PLEKHA6: variants seen among roughly 807,000 people sequenced by gnomAD.
The protein encoded by PLEKHA6 is pleckstrin homology domain-containing family A member 6.
PLEKHA6 carries 60 observed loss-of-function variants against 116.7 expected under a neutral mutation model. That is an observed-to-expected ratio of 0.51 (90% CI 0.42 to 0.64). The LOEUF (loss-of-function observed/expected upper bound fraction) is 0.64, where lower values mean the gene tolerates loss of function less well. Ranked by LOEUF, PLEKHA6 falls within the 30% of genes least tolerant of loss-of-function variation. The probability of loss-of-function intolerance (pLI) is 0.00; values close to 1 mark genes in which losing one functional copy is unlikely to be tolerated. For missense variants in PLEKHA6, 1,338 were observed against 1,422.7 expected (o/e 0.94, Z 0.96); for synonymous variants, 489 against 556.1 (o/e 0.88, Z 1.70).
Position 204,259,289 on chromosome 1 carries a change from G to C in PLEKHA6, c.976C>G (p.Arg326Gly). ...NQLQQWVNLRRGVPPPEDLRS... is the reference protein window; with the variant it reads ...NQLQQWVNLRGGVPPPEDLRS... ...AGGTCTTCAGGCGGGGGTACCCCCC[G>C]GCGCAGATTCACCCACTGCTGAAGC... The change falls in exon 8 of 23, where the codon CGG (arginine) becomes GGG (glycine). Residue 326 changes from arginine to glycine, a missense_variant. Physicochemically the swap from Arg to Gly is moderately radical, Grantham distance 125 (BLOSUM62 -2). This residue lies in a region of PLEKHA6 where 1,136 missense variants were observed against 1,163.6 expected (regional missense o/e 0.98). Transcript: ENST00000272203. This position sits in a 1 kb window ranked among gnomAD's most constrained non-coding sequence, Gnocchi z 4.6. 1.2e-6 allele frequency: 2 copies of C among 1,614,026 alleles called. No individual in the cohort carries two copies. The highest frequency in any genetic ancestry group is 1.1e-5 in the South Asian group (1 of 91,082).
In PLEKHA6 at chr1:204,244,883, G is replaced by C; in HGVS notation, c.2153C>G (p.Thr718Ser). Residue 718 changes from threonine (T) to serine (S), a missense_variant, in exon 15 of 23, where the codon ACC becomes AGC. By Grantham distance (58) the Thr-to-Ser change is moderately conservative. Coordinates refer to ENST00000272203, the MANE Select transcript of PLEKHA6 (RefSeq NM_014935.5). ...SLVSGSQGSP[T>S]KPGSNEPKAN... ...ACTTACCTCGTTGGAGCCAGGCTTG[G>C]TGGGGGACCCCTGAGAGCCCGACAC... 6.4e-7 allele frequency: 1 copy of C among 1,562,748 alleles called. No homozygotes were observed. Among genetic ancestry groups the C allele is most frequent in the South Asian group, 1.2e-5 (1 of 85,052 alleles).
rs4245725 is a variant in PLEKHA6, at chr1:204,275,602, C to T, written c.-94-793G>A. ...GCATCGTGGAGCCTCCTTGGGAAGA[C>T]CTGCTGTGGCTCCTCCGGCTGGCTG... On this transcript the variant is annotated intron_variant, in intron 1 of 22. Transcript: ENST00000272203. The T allele has an allele frequency of 6.6e-6, 4 of 605,026 alleles. No homozygotes were observed. The African/African-American group carries it at 8.0e-5, about 12-fold the overall frequency. 37.5% of individuals were successfully genotyped at this position (605,026 alleles called of 1,614,324 possible). A position where few individuals can be genotyped will look rare whatever the true frequency, so the allele number is the denominator to read the frequency against.
chr1:204,305,096 G>T (rs563692139), intron 1 of PLEKHA6, among the ~76,000 whole-genome samples: 1 of 152,158 alleles, frequency 6.6e-6, no homozygotes, highest in Non-Finnish European at 1.5e-5. Context: ...CCTCTGGTGC[G>T]TGGTAGAGAG....
At chr1:204,239,716 CA>C in intron 17 of PLEKHA6, among the ~76,000 whole-genome samples, 1 of 152,308 alleles carries the variant, frequency 6.6e-6, no homozygotes, top group East Asian at 1.9e-4. Context: ...GTCACAATTA[CA>C]ACACCAACTA....
intron 1 of PLEKHA6, among the ~76,000 whole-genome samples, chr1:204,333,268 T>C (rs148430463): frequency 6.6e-6 from 1 of 152,300 alleles, no homozygotes; most frequent in Admixed American, 6.5e-5. Flanking sequence ...GGGTTTCTCT[T>C]ACCCTCCAGG....
chr1:204,244,050 T>C (rs1311277423), intron 15 of PLEKHA6, among the ~76,000 whole-genome samples: 1 of 151,962 alleles, frequency 6.6e-6, no homozygotes, highest in African/African-American at 2.4e-5. Context: ...CTTGATCTCC[T>C]GACCTCGTGA....
At position 204,261,618 on chromosome 1, in the gene PLEKHA6, T is replaced by A. The variant is rs1033907155; in HGVS notation, c.382-170A>T. On this transcript the variant is annotated intron_variant, in intron 6 of 22. Transcript: ENST00000272203. This position sits in a 1 kb window ranked among gnomAD's most constrained non-coding sequence, Gnocchi z 4.0. ...TCAGGAGCAAGGTGAAGAGGGCAGC[T>A]TGCAGCTACCCCGAGGGTTCCAGCT... 1.4e-6 allele frequency: 1 copy of A among 702,806 alleles called. No homozygotes were observed. The highest frequency in any genetic ancestry group is 2.9e-5 in the East Asian group (1 of 34,514). 43.5% of individuals were successfully genotyped at this position (702,806 alleles called of 1,614,324 possible).
At chr1:204,256,262 G>A (rs945603959) in intron 9 of PLEKHA6, among the ~76,000 whole-genome samples, 3 of 152,114 alleles carry the variant, frequency 2.0e-5, no homozygotes, top group Admixed American at 2.0e-4. Flanking sequence ...ATCTTATCTA[G>A]GTCTCTAGGT....
intron 1 of PLEKHA6, among the ~76,000 whole-genome samples, chr1:204,281,504 A>G (rs920197194): frequency 1.3e-5 from 2 of 151,678 alleles, no homozygotes; most frequent in Non-Finnish European, 2.9e-5. Context: ...CAGCCTGGGC[A>G]ACAGACAGAG....
intron 1 of PLEKHA6, among the ~76,000 whole-genome samples, chr1:204,313,325 TC>T (rs1671733573): frequency 6.6e-6 from 1 of 152,096 alleles, no homozygotes; most frequent in Non-Finnish European, 1.5e-5. Flanking sequence ...TAGTCAGGCC[TC>T]CCCACACAGC....
chr1:204,330,740 CCCT>C (rs1672415368), intron 1 of PLEKHA6, among the ~76,000 whole-genome samples: 1 of 74,884 alleles, frequency 1.3e-5, no homozygotes, highest in African/African-American at 6.0e-5. Context: ...GAGGAAGCAG[CCCT>C]CCCAAGGCCC....
intron 18 of PLEKHA6, among the ~76,000 whole-genome samples, chr1:204,229,983 A>G (rs1660935702): frequency 6.6e-6 from 1 of 152,234 alleles, no homozygotes; most frequent in Admixed American, 6.5e-5. Flanking sequence ...ATTAAATGAA[A>G]TAACATGAAA....
intron 2 of PLEKHA6, chr1:204,368,599 T>C (rs1165295644): frequency 6.6e-6 from 1 of 152,492 alleles, no homozygotes; most frequent in Non-Finnish European, 1.5e-5. Flanking sequence ...AGATCACTCA[T>C]AGGCACTATC....
chr1:204,313,530 CTA>C, intron 1 of PLEKHA6: 1 of 978,766 alleles, frequency 1.0e-6, no homozygotes. Flanking sequence ...CAAGATGTTA[CTA>C]TTGAAGAAAG....
At position 204,326,011 on chromosome 1, in the gene PLEKHA6, G is replaced by A. The variant is rs548767757; in HGVS notation, c.-95+33683C>T. 45 of 515,922 alleles carry A rather than the reference G, an allele frequency of 8.7e-5. No homozygotes were observed. The East Asian group carries it at 9.0e-4, about 10-fold the overall frequency. 32.0% of individuals were successfully genotyped at this position (515,922 alleles called of 1,614,324 possible). On this transcript the variant is annotated intron_variant, in intron 1 of 22. Coordinates refer to ENST00000272203, the MANE Select transcript of PLEKHA6 (RefSeq NM_014935.5). The stretch of plus-strand genomic sequence containing the variant: ...GCCCCATTCCTCACCCTGCCCAGCC[G>A]TCTCCCTAATGCATCCAGCACAGGG...
At chr1:204,283,791 G>A (rs765092839) in intron 1 of PLEKHA6, among the ~76,000 whole-genome samples, 26 of 152,342 alleles carry the variant, frequency 1.7e-4, no homozygotes, top group Non-Finnish European at 2.5e-4. Flanking sequence ...TGTGTGTGAT[G>A]TGGGCTGGGG....
intron 5 of PLEKHA6, among the ~76,000 whole-genome samples, chr1:204,266,948 A>G (rs1020224847): frequency 6.6e-6 from 1 of 152,208 alleles, no homozygotes; most frequent in Non-Finnish European, 1.5e-5. Flanking sequence ...AGGTGAAGCC[A>G]GAGGACATGT....
intron 1 of PLEKHA6, among the ~76,000 whole-genome samples, chr1:204,374,348 C>G (rs1459872501): frequency 3.9e-5 from 6 of 152,196 alleles, no homozygotes; most frequent in Non-Finnish European, 8.8e-5. Context: ...GCAGAGTGCT[C>G]CAAGCCTTTC....
At chr1:204,337,324 A>G (rs1418577478) in intron 1 of PLEKHA6, among the ~76,000 whole-genome samples, 2 of 152,144 alleles carry the variant, frequency 1.3e-5, no homozygotes, top group Admixed American at 1.3e-4. Context: ...GGGAATCAGG[A>G]AGCAAAAGAC....
Sources: allele counts gnomAD v4.1 joint callset (sites outside exome capture counted in the v4.1 genomes callset), GRCh38; gene constraint gnomAD v4.1.1; regional missense constraint gnomAD v4.1.1; non-coding constraint Gnocchi (gnomAD v3.1); transcripts MANE v1.5; gene names NCBI Gene and HGNC (gene_info 2026-07-23, HGNC 2026-07-21).